The following GPHN variants were observed in gnomAD, a reference collection of about 807,000 sequenced individuals.
GPHN encodes gephyrin.
Under a neutral mutation model 95.5 loss-of-function variants are expected in GPHN, and 17 were observed. The ratio of observed to expected loss-of-function variants is 0.18; its 90% CI spans 0.12 to 0.27. The LOEUF is 0.27. Ranked by LOEUF, GPHN falls within the 10% of genes least tolerant of loss-of-function variation. The pLI is 1.00. For synonymous variants in GPHN, 320 were observed against 322.5 expected, an observed-to-expected ratio of 0.99 and a Z score of 0.08; for missense variants, 660 against 978.1, an observed-to-expected ratio of 0.67 and a Z score of 4.34.
At chr14:67,377,310 G>A in the GPHN span, among the ~76,000 whole-genome samples, 1 of 152,098 alleles carries the variant, frequency 6.6e-6, no homozygotes, top group African/African-American at 2.4e-5. Context: ...AATCAGTCTT[G>A]CAGGTTGGTC....
chr14:67,406,337 C>T, the GPHN span, among the ~76,000 whole-genome samples: 24 of 151,798 alleles, frequency 1.6e-4, no homozygotes, highest in African/African-American at 5.8e-4. Context: ...ATGATACAAA[C>T]CCCAAGGAGG....
At chr14:67,438,934 C>T in the GPHN span, among the ~76,000 whole-genome samples, 1 of 151,436 alleles carries the variant, frequency 6.6e-6, no homozygotes, top group South Asian at 2.1e-4. Context: ...AGATACACGG[C>T]AGCTAGTGCT....
chr14:66,569,191 T>C (rs2060576562), intron 1 of GPHN, among the ~76,000 whole-genome samples: 1 of 152,232 alleles, frequency 6.6e-6, no homozygotes, highest in Non-Finnish European at 1.5e-5. Context: ...CTGTTTTTCA[T>C]GCAACCTTAA....
intron 17 of GPHN, among the ~76,000 whole-genome samples, chr14:67,136,340 C>A (rs996636993): frequency 6.6e-6 from 1 of 152,176 alleles, no homozygotes; most frequent in African/African-American, 2.4e-5. Context: ...AAATGGCAAG[C>A]TGCTAGTCTT....
intron 4 of GPHN, among the ~76,000 whole-genome samples, chr14:66,850,177 G>A (rs1233979276): frequency 2.0e-5 from 3 of 151,890 alleles, no homozygotes; most frequent in Admixed American, 2.0e-4. Context: ...TATAAGCCCT[G>A]GAAAATAATG....
At chr14:66,753,801 A>G (rs921503407) in intron 2 of GPHN, among the ~76,000 whole-genome samples, 6 of 152,244 alleles carry the variant, frequency 3.9e-5, no homozygotes, top group South Asian at 2.1e-4. Flanking sequence ...TGTCACCACA[A>G]TGTAATTTCA....
chr14:67,317,371 G>A, the GPHN span: 52 of 1,513,290 alleles, frequency 3.4e-5, no homozygotes, highest in African/African-American at 6.4e-4. Flanking sequence ...TTGTTCACGG[G>A]AACACATTTA....
At chr14:66,636,924 G>C (rs537850797) in intron 1 of GPHN, among the ~76,000 whole-genome samples, 1 of 152,012 alleles carries the variant, frequency 6.6e-6, no homozygotes, top group Non-Finnish European at 1.5e-5. Flanking sequence ...ATATTTCTTT[G>C]TAATGAAATT....
At chr14:66,859,737 G>A (rs962698341) in intron 4 of GPHN, among the ~76,000 whole-genome samples, 1 of 152,204 alleles carries the variant, frequency 6.6e-6, no homozygotes, top group East Asian at 1.9e-4. Flanking sequence ...CACAGAGAAG[G>A]AATTCAGAAT....
At chr14:67,193,579 A>G in the GPHN span, among the ~76,000 whole-genome samples, 2 of 145,254 alleles carry the variant, frequency 1.4e-5, no homozygotes, top group Admixed American at 1.4e-4. Flanking sequence ...ATAGATCTAT[A>G]TATAGATATA....
chr14:67,056,009 C>A (rs2075549174), intron 10 of GPHN, among the ~76,000 whole-genome samples: 1 of 152,192 alleles, frequency 6.6e-6, no homozygotes, highest in Admixed American at 6.5e-5. Context: ...GTGAGTGTTA[C>A]AGCTCTTAAA....
rs1047453441 is a variant in GPHN at position 66,978,372 on chromosome 14, G to A, written c.963+13047G>A. On this transcript the variant is annotated intron_variant, in intron 9 of 22. Transcript: ENST00000478722. ...TACAGTGAAACTTCCTTCAAAATTGGAGTCAATCCTCTCAAACCCTGCTGC... is the reference window on the plus strand; with the variant it reads ...TACAGTGAAACTTCCTTCAAAATTGAAGTCAATCCTCTCAAACCCTGCTGC... Among the ~76,000 whole-genome samples, 3 of 152,118 alleles carry A rather than the reference G, an allele frequency of 2.0e-5. No individual in the cohort carries two copies. In the East Asian group the frequency reaches 5.8e-4, roughly 29 times the overall value.
intron 4 of GPHN, among the ~76,000 whole-genome samples, chr14:66,855,278 T>A (rs2062751379): frequency 1.3e-5 from 2 of 152,120 alleles, no homozygotes; most frequent in Non-Finnish European, 2.9e-5. Context: ...AAGCAATAAC[T>A]CCCCATTTCT....
At chr14:66,603,271 C>T (rs1435203336) in intron 1 of GPHN, among the ~76,000 whole-genome samples, 1 of 151,874 alleles carries the variant, frequency 6.6e-6, no homozygotes, top group East Asian at 1.9e-4. Flanking sequence ...TGTAATCCCT[C>T]TATCCAGAAA....
At chr14:66,747,560 T>C (rs2058200259) in intron 2 of GPHN, among the ~76,000 whole-genome samples, 1 of 151,792 alleles carries the variant, frequency 6.6e-6, no homozygotes, top group Non-Finnish European at 1.5e-5. Context: ...TAGGCAGAGC[T>C]CCTTCTCAGG....
chr14:66,956,883 A>C (rs1277208421), intron 8 of GPHN, among the ~76,000 whole-genome samples: 1 of 147,382 alleles, frequency 6.8e-6, no homozygotes, highest in Non-Finnish European at 1.5e-5. Flanking sequence ...CAAACACCGC[A>C]TATTCTCACT....
At chr14:67,675,310 C>T in the GPHN span, among the ~76,000 whole-genome samples, 2 of 152,034 alleles carry the variant, frequency 1.3e-5, no homozygotes, top group African/African-American at 4.8e-5. Context: ...TAGTTCGAGA[C>T]CAGCCTGGGC....
At chr14:66,845,627 G>A (rs1434793031) in intron 4 of GPHN, among the ~76,000 whole-genome samples, 3 of 152,064 alleles carry the variant, frequency 2.0e-5, no homozygotes, top group Non-Finnish European at 4.4e-5. Flanking sequence ...CTAAGATGAG[G>A]GAACCAGGTC....
Position 67,090,870 on chromosome 14 carries a change from A to G in GPHN, c.1237+1795A>G, listed in dbSNP as rs147576959. ...TATCTCTAAAATTATGATAATTACAACAATACTTACCCCAGCAGGTTGTTG... is the reference window on the plus strand; with the variant it reads ...TATCTCTAAAATTATGATAATTACAGCAATACTTACCCCAGCAGGTTGTTG... On this transcript the variant is annotated intron_variant, in intron 12 of 22. Transcript: ENST00000478722. 2.8e-4 allele frequency among the ~76,000 whole-genome samples: 42 copies of G among 152,144 alleles called. No homozygotes were observed. The East Asian group carries it at 5.6e-3, about 20-fold the overall frequency.
Sources: allele counts gnomAD v4.1 joint callset (sites outside exome capture counted in the v4.1 genomes callset), GRCh38; gene constraint gnomAD v4.1.1; transcripts MANE v1.5; gene names NCBI Gene and HGNC (gene_info 2026-07-23, HGNC 2026-07-21).